Variants in CSMD1 observed in about 807,000 individuals in gnomAD.
CSMD1 encodes CUB and sushi domain-containing protein 1.
In CSMD1, 213 loss-of-function variants were observed where a neutral mutation model predicts 417.5. The observed-to-expected ratio is 0.51, with a 90% CI of 0.46 to 0.57. The LOEUF is 0.57. CSMD1 is among the 20% of genes least tolerant of loss of function. CSMD1 has a pLI of 0.00. For synonymous variants in CSMD1, 2,862 were observed against 1,736.8 expected, an observed-to-expected ratio of 1.65 and a Z score of -16.11; for missense variants, 6,923 against 4,529.7, an observed-to-expected ratio of 1.53 and a Z score of -15.17.
At chr8:3,575,404 C>T (rs965506853) in intron 9 of CSMD1, among the ~76,000 whole-genome samples, 4 of 152,220 alleles carry the variant, frequency 2.6e-5, no homozygotes, top group South Asian at 2.1e-4. Flanking sequence ...AGAGTGTTCA[C>T]GTAGGTGTCG....
chr8:4,544,468 T>A (rs1011652853), intron 2 of CSMD1, among the ~76,000 whole-genome samples: 1 of 152,162 alleles, frequency 6.6e-6, no homozygotes, highest in African/African-American at 2.4e-5. Context: ...CTTGTAACGT[T>A]ACATAAAAAT....
At chr8:4,945,124 A>G (rs1808282544) in intron 1 of CSMD1, among the ~76,000 whole-genome samples, 1 of 152,206 alleles carries the variant, frequency 6.6e-6, no homozygotes, top group African/African-American at 2.4e-5. Flanking sequence ...AGCACAATAT[A>G]ATCAGCGTAA....
chr8:4,006,774 A>T lies in CSMD1; in HGVS notation c.611-8664T>A, dbSNP rs540986111. 1.1e-3 allele frequency among the ~76,000 whole-genome samples: 165 copies of T among 150,898 alleles called. 1 individual carries two copies. Among genetic ancestry groups the T allele is most frequent in the African/African-American group, 4.0e-3 (162 of 40,964 alleles). ...CTCACCACTATTTATTACGGCTTAT[A>T]TCACCATTCATATTTCTTTTGTCGC... On this transcript the variant is annotated intron_variant, in intron 4 of 69. Coordinates refer to ENST00000635120, the MANE Select transcript of CSMD1 (RefSeq NM_033225.6).
intron 10 of CSMD1, among the ~76,000 whole-genome samples, chr8:3,563,126 A>G (rs1024082810): frequency 1.3e-5 from 2 of 151,916 alleles, no homozygotes; most frequent in Admixed American, 6.6e-5. Flanking sequence ...TCAAGAATTT[A>G]TTTCTTCCCC....
At chr8:3,943,613 C>A (rs763152870) in intron 5 of CSMD1, among the ~76,000 whole-genome samples, 1 of 151,982 alleles carries the variant, frequency 6.6e-6, no homozygotes, top group Non-Finnish European at 1.5e-5. Flanking sequence ...TGGTAAACCC[C>A]ATGTAACCAA....
intron 1 of CSMD1, among the ~76,000 whole-genome samples, chr8:4,760,074 T>C (rs559818852): frequency 6.6e-6 from 1 of 152,282 alleles, no homozygotes; most frequent in South Asian, 2.1e-4. Context: ...CCAGCACCTG[T>C]TGTTTCTAGA....
intron 5 of CSMD1, among the ~76,000 whole-genome samples, chr8:3,838,996 TTATA>T (rs1386212138): frequency 7.9e-6 from 1 of 126,138 alleles, no homozygotes; most frequent in Admixed American, 9.8e-5. Context: ...TATCATATAA[TTATA>T]ATATTATATA....
At chr8:4,899,196 T>C (rs909452268) in intron 1 of CSMD1, among the ~76,000 whole-genome samples, 4 of 152,224 alleles carry the variant, frequency 2.6e-5, no homozygotes, top group African/African-American at 7.2e-5. Context: ...GTATATGTCC[T>C]ATCGGAAGAA....
intron 1 of CSMD1, among the ~76,000 whole-genome samples, chr8:4,638,598 G>A (rs73188792): frequency 8.5e-5 from 13 of 152,262 alleles, no homozygotes; most frequent in Admixed American, 2.0e-4. Context: ...AAAATGAGGG[G>A]ACCAAGTAAA....
chr8:4,303,217 G>C lies in CSMD1; in HGVS notation c.415+116736C>G, dbSNP rs1185363724. Among the ~76,000 whole-genome samples, 5 of 152,046 alleles carry C rather than the reference G, an allele frequency of 3.3e-5. No homozygotes were observed. In the East Asian group the frequency reaches 7.7e-4, roughly 24 times the overall value. On this transcript the variant is annotated intron_variant, in intron 3 of 69. Coordinates refer to ENST00000635120, the MANE Select transcript of CSMD1 (RefSeq NM_033225.6). ...ACTGAGAATAACATCTGTTAACAGA[G>C]GCATCATCTATTTCAGATAAGTATT...
At chr8:3,921,421 C>A (rs1809254199) in intron 5 of CSMD1, among the ~76,000 whole-genome samples, 1 of 151,574 alleles carries the variant, frequency 6.6e-6, no homozygotes, top group Middle Eastern at 3.4e-3. Flanking sequence ...GTATTATTTT[C>A]TTTCTTCTAT....
intron 23 of CSMD1, among the ~76,000 whole-genome samples, chr8:3,318,863 C>CG (rs1209426987): frequency 1.3e-5 from 2 of 152,098 alleles, no homozygotes; most frequent in Non-Finnish European, 2.9e-5. Flanking sequence ...GTGCTTTCCA[C>CG]GGGGCAGGTG....
At chr8:4,525,320 G>A (rs117159988) in intron 2 of CSMD1, among the ~76,000 whole-genome samples, 573 of 152,148 alleles carry the variant, frequency 3.8e-3, no homozygotes, top group Middle Eastern at 0.014. Context: ...CAAGGCTCCC[G>A]GCATGGGGAT....
chr8:3,745,293 G>A (rs377160981), intron 6 of CSMD1, among the ~76,000 whole-genome samples: 1 of 152,178 alleles, frequency 6.6e-6, no homozygotes, highest in Non-Finnish European at 1.5e-5. Flanking sequence ...CAACAGGAAA[G>A]AACATGATGG....
chr8:3,383,344 AC>A (rs1810762724), intron 18 of CSMD1, among the ~76,000 whole-genome samples: 1 of 152,130 alleles, frequency 6.6e-6, no homozygotes, highest in Non-Finnish European at 1.5e-5. Flanking sequence ...TGTCTTCATT[AC>A]TCTGAACGGA....
intron 3 of CSMD1, among the ~76,000 whole-genome samples, chr8:4,415,959 C>A (rs144227208): frequency 1.3e-5 from 2 of 152,136 alleles, no homozygotes; most frequent in African/African-American, 2.4e-5. Context: ...GCCATGGGAT[C>A]TCGGGAAACT....
chr8:3,129,269 T>C lies in CSMD1; in HGVS notation c.6242-10682A>G, dbSNP rs78759982. Among the ~76,000 whole-genome samples, 396 of 152,350 alleles carry C rather than the reference T, an allele frequency of 2.6e-3. 9 individuals carry two copies. In the East Asian group the frequency reaches 0.049, roughly 19 times the overall value. On this transcript the variant is annotated intron_variant, in intron 41 of 69. Coordinates refer to ENST00000635120, the MANE Select transcript of CSMD1 (RefSeq NM_033225.6). Reference sequence around the variant, plus strand: ...ACATGGAATTCTAAATACTGATAATTGATTTTTGTAAATATTAAATATTTT... The same window carrying C: ...ACATGGAATTCTAAATACTGATAATCGATTTTTGTAAATATTAAATATTTT...
intron 12 of CSMD1, among the ~76,000 whole-genome samples, chr8:3,436,420 T>G (rs574314736): frequency 1.5e-4 from 23 of 152,302 alleles, no homozygotes; most frequent in Admixed American, 7.2e-4. Flanking sequence ...GAGCTGGTCT[T>G]TTGCCCAGTT....
intron 1 of CSMD1, among the ~76,000 whole-genome samples, chr8:4,699,002 T>A (rs1036665541): frequency 6.6e-6 from 1 of 152,106 alleles, no homozygotes; most frequent in South Asian, 2.1e-4. Context: ...TCATGCTTTG[T>A]GTCTCCACTA....
Sources: allele counts gnomAD v4.1 joint callset (sites outside exome capture counted in the v4.1 genomes callset), GRCh38; gene constraint gnomAD v4.1.1; transcripts MANE v1.5; gene names NCBI Gene and HGNC (gene_info 2026-07-23, HGNC 2026-07-21).